Variants in ATG10 observed in about 807,000 individuals in gnomAD.
The protein encoded by ATG10 is ubiquitin-like-conjugating enzyme ATG10.
Under a neutral mutation model 32.1 loss-of-function variants are expected in ATG10, and 30 were observed. That is an observed-to-expected ratio of 0.94 (90% CI 0.70 to 1.27). The LOEUF is 1.27. ATG10 is among the 50% of genes most tolerant of loss of function. The pLI, the probability that ATG10 is intolerant of heterozygous loss-of-function variation, is 0.00. For missense variants in ATG10, 233 were observed against 262.3 expected, an observed-to-expected ratio of 0.89 and a Z score of 0.77; for synonymous variants, 87 against 91.5, an observed-to-expected ratio of 0.95 and a Z score of 0.28.
intron 3 of ATG10, among the ~76,000 whole-genome samples, chr5:82,133,096 T>A (rs891863514): frequency 6.6e-6 from 1 of 152,202 alleles, no homozygotes; most frequent in Admixed American, 6.5e-5. Flanking sequence ...TGTTTCTTTC[T>A]TGTAAATTTG....
At chr5:82,178,426 T>C in intron 4 of ATG10, 64 bp from the exon 5 acceptor site, 6 of 969,774 alleles carry the variant, frequency 6.2e-6, no homozygotes, top group Non-Finnish European at 1.0e-5. Context: ...GAGTTTTAGA[T>C]TGACACCAAG....
intron 3 of ATG10, among the ~76,000 whole-genome samples, chr5:82,081,070 T>G (rs1302755477): frequency 1.3e-5 from 2 of 152,196 alleles, no homozygotes; most frequent in Non-Finnish European, 2.9e-5. Flanking sequence ...CTTGAAGAGG[T>G]CCTTCACATC....
chr5:81,983,542 C>T (rs1761138891), intron 1 of ATG10, among the ~76,000 whole-genome samples: 1 of 140,640 alleles, frequency 7.1e-6, no homozygotes, highest in African/African-American at 2.7e-5. Context: ...CCGGATGGGG[C>T]CGCTGGCCGG....
chr5:82,092,489 T>C (rs1764924819), intron 3 of ATG10, among the ~76,000 whole-genome samples: 2 of 152,202 alleles, frequency 1.3e-5, no homozygotes, highest in Non-Finnish European at 2.9e-5. Context: ...GTCTGTAGAC[T>C]GGTTAAGCAG....
intron 5 of ATG10, among the ~76,000 whole-genome samples, chr5:82,231,639 T>C (rs980929274): frequency 2.0e-5 from 3 of 152,190 alleles, no homozygotes; most frequent in Non-Finnish European, 4.4e-5. Context: ...TTTTTCGTTA[T>C]GAGAAGGAGA....
At chr5:82,207,155 T>G (rs1227236246) in intron 5 of ATG10, among the ~76,000 whole-genome samples, 1 of 152,198 alleles carries the variant, frequency 6.6e-6, no homozygotes, top group Non-Finnish European at 1.5e-5. Flanking sequence ...ATGTATGCAT[T>G]TCTATTGGGT....
chr5:81,982,669 T>A (rs546227311), intron 1 of ATG10, among the ~76,000 whole-genome samples: 4,013 of 152,140 alleles, frequency 0.026, 78 homozygotes, highest in Middle Eastern at 0.044. Flanking sequence ...GATAAACAAG[T>A]GAACAAAGGT....
At chr5:82,127,589 C>T (rs183651273) in intron 3 of ATG10, among the ~76,000 whole-genome samples, 20 of 152,124 alleles carry the variant, frequency 1.3e-4, no homozygotes, top group Non-Finnish European at 1.6e-4. Flanking sequence ...TGCAGTTGTG[C>T]GGTTTTGAGT....
chr5:82,010,819 G>A (rs1353425339), intron 2 of ATG10, among the ~76,000 whole-genome samples: 1 of 152,154 alleles, frequency 6.6e-6, no homozygotes, highest in Non-Finnish European at 1.5e-5. Context: ...TCCAGAACAA[G>A]TTGTGCACTA....
intron 2 of ATG10, among the ~76,000 whole-genome samples, chr5:82,004,430 A>T (rs1761934195): frequency 6.6e-6 from 1 of 152,206 alleles, no homozygotes; most frequent in Admixed American, 6.5e-5. Flanking sequence ...GTTATAGGAA[A>T]TCAGGAGATG....
intron 2 of ATG10, among the ~76,000 whole-genome samples, chr5:81,998,858 AC>A (rs1373986375): frequency 6.6e-6 from 1 of 152,212 alleles, no homozygotes; most frequent in Non-Finnish European, 1.5e-5. Context: ...ATATGTAAGT[AC>A]CCACACAGGA....
At chr5:82,014,527 T>C (rs970074465) in intron 2 of ATG10, among the ~76,000 whole-genome samples, 7 of 152,240 alleles carry the variant, frequency 4.6e-5, no homozygotes, top group African/African-American at 1.7e-4. Context: ...ATTGGGTGCC[T>C]ATATATTTAG....
In ATG10 at chr5:82,083,553, T is replaced by C. The variant is rs74610805; in HGVS notation, c.216+24951T>C. 2.0e-5 allele frequency among the ~76,000 whole-genome samples: 3 copies of C among 152,176 alleles called. No individual in the cohort carries two copies. In the South Asian group the frequency reaches 6.2e-4, roughly 32 times the overall value. ...CCTCCTCAAGTGGGTCCCTGACCCCTGAGTAGCCTAACTGGGAGACACCTC... is the reference window on the plus strand; with the variant it reads ...CCTCCTCAAGTGGGTCCCTGACCCCCGAGTAGCCTAACTGGGAGACACCTC... On this transcript the variant is annotated intron_variant, in intron 3 of 7. Coordinates refer to ENST00000282185, the MANE Select transcript of ATG10 (RefSeq NM_031482.5).
intron 5 of ATG10, among the ~76,000 whole-genome samples, chr5:82,241,094 C>G (rs1359956986): frequency 6.6e-6 from 1 of 152,136 alleles, no homozygotes; most frequent in Non-Finnish European, 1.5e-5. Context: ...ATAAGAAAAT[C>G]TCCATAAAAC....
At chr5:82,008,547 A>G (rs560323899) in intron 2 of ATG10, among the ~76,000 whole-genome samples, 1 of 152,356 alleles carries the variant, frequency 6.6e-6, no homozygotes, top group Non-Finnish European at 1.5e-5. Context: ...CTGAGAAGGA[A>G]AGCTATAATA....
At chr5:82,227,991 A>C (rs1746201397) in intron 5 of ATG10, among the ~76,000 whole-genome samples, 1 of 152,180 alleles carries the variant, frequency 6.6e-6, no homozygotes, top group Non-Finnish European at 1.5e-5. Flanking sequence ...GGATTGCTTG[A>C]GTCCAGGAGT....
intron 2 of ATG10, among the ~76,000 whole-genome samples, chr5:82,007,176 T>A (rs935867977): frequency 1.3e-5 from 2 of 152,212 alleles, no homozygotes; most frequent in Non-Finnish European, 2.9e-5. Context: ...GTTCATTCAT[T>A]ATTTCTACAA....
chr5:81,977,770 G>T (rs370195677), intron 1 of ATG10, among the ~76,000 whole-genome samples: 3 of 152,084 alleles, frequency 2.0e-5, no homozygotes, highest in East Asian at 1.9e-4. Flanking sequence ...CCCCAGTTTT[G>T]CCAGGAAGTT....
chr5:82,097,838 G>C (rs545796190), intron 3 of ATG10, among the ~76,000 whole-genome samples: 2 of 152,300 alleles, frequency 1.3e-5, no homozygotes, highest in East Asian at 1.9e-4. Context: ...ATTCACTATG[G>C]TGTGTGCTTC....
Sources: allele counts gnomAD v4.1 joint callset (sites outside exome capture counted in the v4.1 genomes callset), GRCh38; gene constraint gnomAD v4.1.1; transcripts MANE v1.5; gene names NCBI Gene and HGNC (gene_info 2026-07-23, HGNC 2026-07-21).